Variants in CLEC16A observed in about 807,000 individuals in gnomAD.
CLEC16A encodes C-type lectin domain containing 16A, also known as protein CLEC16A.
A neutral mutation model predicts 109.5 loss-of-function variants in CLEC16A; 51 were observed. That is an observed-to-expected ratio of 0.47 (90% CI 0.37 to 0.59). CLEC16A has a LOEUF of 0.59. Ranked by LOEUF, CLEC16A falls within the 20% of genes least tolerant of loss-of-function variation. The pLI, the probability that CLEC16A is intolerant of heterozygous loss-of-function variation, is 0.00. For missense variants in CLEC16A, 1,339 were observed against 1,394.0 expected, an observed-to-expected ratio of 0.96 and a Z score of 0.63; for synonymous variants, 673 against 564.2, an observed-to-expected ratio of 1.19 and a Z score of -2.73.
At chr16:10,971,384 T>A in intron 5 of CLEC16A, 154 bp downstream of exon 5, 1 of 392,926 alleles carries the variant, frequency 2.5e-6, no homozygotes, top group Non-Finnish European at 3.5e-6. Flanking sequence ...TGGAATCCCC[T>A]AGCATTTAGC....
intron 22 of CLEC16A, chr16:11,156,592 T>C: frequency 7.7e-7 from 1 of 1,304,222 alleles, no homozygotes; most frequent in Non-Finnish European, 1.0e-6. Flanking sequence ...ACTGCCGCAG[T>C]AGAGAGGCAG....
intron 11 of CLEC16A, among the ~76,000 whole-genome samples, chr16:11,019,425 A>G (rs1425322437): frequency 1.3e-5 from 2 of 150,704 alleles, no homozygotes; most frequent in African/African-American, 5.0e-5. Context: ...TTGTAAGTAA[A>G]AAAGGAAAAC....
chr16:11,133,425 C>A (rs2053359820), intron 22 of CLEC16A, among the ~76,000 whole-genome samples: 2 of 151,998 alleles, frequency 1.3e-5, no homozygotes, highest in South Asian at 4.1e-4. Flanking sequence ...ATCAAAGGCA[C>A]CTAAACCGGC....
intron 22 of CLEC16A, among the ~76,000 whole-genome samples, chr16:11,132,888 G>A (rs890254584): frequency 6.6e-6 from 1 of 152,116 alleles, no homozygotes; most frequent in South Asian, 2.1e-4. Context: ...TGGGGCTGGA[G>A]GAATTGTTCA....
intron 14 of CLEC16A, 134 bp from the exon 15 acceptor site, chr16:11,042,120 C>G (rs2047369575): frequency 1.6e-6 from 1 of 629,078 alleles, no homozygotes; most frequent in Non-Finnish European, 2.8e-6. Context: ...CCACTGTGTC[C>G]CCACTGGATG....
chr16:11,132,149 T>C (rs904327493), intron 22 of CLEC16A, among the ~76,000 whole-genome samples: 1 of 152,160 alleles, frequency 6.6e-6, no homozygotes, highest in African/African-American at 2.4e-5. Context: ...CCCAAGATTG[T>C]GCCATCATCC....
chr16:11,010,691 G>A (rs1336212023), intron 11 of CLEC16A, among the ~76,000 whole-genome samples: 1 of 152,150 alleles, frequency 6.6e-6, no homozygotes, highest in Non-Finnish European at 1.5e-5. Flanking sequence ...CTCCTGCTGT[G>A]TTCTTGTTGT....
At chr16:11,024,185 C>G (rs916826269) in intron 12 of CLEC16A, 60 of 152,422 alleles carry the variant, frequency 3.9e-4, no homozygotes, top group African/African-American at 1.3e-3. Flanking sequence ...TGCATTGGCA[C>G]CGTCCACAGT....
intron 23 of CLEC16A, 139 bp downstream of exon 23, chr16:11,166,691 A>T (rs2068278744): frequency 6.9e-6 from 6 of 872,742 alleles, no homozygotes; most frequent in Non-Finnish European, 9.9e-6. Flanking sequence ...CTGCACATGA[A>T]GCCTCTAGAG....
chr16:11,089,795 G>C (rs1342903109), intron 19 of CLEC16A, among the ~76,000 whole-genome samples: 1 of 152,206 alleles, frequency 6.6e-6, no homozygotes, highest in Admixed American at 6.5e-5. Flanking sequence ...GGGGTGCTGG[G>C]CATGACTCGC....
In CLEC16A at chr16:11,178,458, C is replaced by G. The variant is rs74163629; in HGVS notation, c.2930C>G (p.Ala977Gly). ...GCCAGGAGCGCAGCCGTGGAGACAG[C>G]CAGCCTGTCCCCCAGCCTCGTCCCT... ...NVARSAAVET[A>G]SLSPSLVPAR... Residue 977 changes from alanine (A) to glycine (G), a missense_variant, in exon 24 of 24, where the codon GCC becomes GGC. Transcript: ENST00000409790. The surrounding 1 kb of genome is among the most constrained non-coding windows in gnomAD (Gnocchi z 6.5). The G allele has an allele frequency of 6.2e-7, 1 of 1,613,608 alleles. No individual in the cohort carries two copies. The highest frequency in any genetic ancestry group is 8.5e-7 in the Non-Finnish European group (1 of 1,179,886).
intron 19 of CLEC16A, among the ~76,000 whole-genome samples, chr16:11,108,356 G>C (rs1175004685): frequency 6.6e-6 from 1 of 152,276 alleles, no homozygotes. Flanking sequence ...CCTGTGAAAG[G>C]GGGACCTTGC....
intron 19 of CLEC16A, among the ~76,000 whole-genome samples, chr16:11,106,548 C>T (rs2051233344): frequency 1.3e-5 from 2 of 150,260 alleles, no homozygotes. Context: ...AGTTTACAGG[C>T]TTAGTCTTAG....
intron 23 of CLEC16A, among the ~76,000 whole-genome samples, chr16:11,175,277 T>C: frequency 6.6e-6 from 1 of 152,118 alleles, no homozygotes; most frequent in Admixed American, 6.5e-5. Flanking sequence ...AGCCACGGGA[T>C]GTCTGTCCGC....
chr16:11,103,232 C>T (rs1218057270), intron 19 of CLEC16A, among the ~76,000 whole-genome samples: 2 of 152,336 alleles, frequency 1.3e-5, no homozygotes, highest in East Asian at 3.9e-4. Context: ...CCCAGTGGCG[C>T]TGCTCTCCAC....
chr16:11,093,556 A>G (rs929266083), intron 19 of CLEC16A, among the ~76,000 whole-genome samples: 2 of 152,232 alleles, frequency 1.3e-5, no homozygotes, highest in African/African-American at 4.8e-5. Flanking sequence ...TCATATCTAT[A>G]CCGCCTGGCA....
intron 19 of CLEC16A, among the ~76,000 whole-genome samples, chr16:11,083,948 T>C (rs1440282954): frequency 6.6e-6 from 1 of 152,202 alleles, no homozygotes; most frequent in Non-Finnish European, 1.5e-5. Context: ...GTTGGGAACC[T>C]GAGGGAACAC....
At chr16:11,064,006 G>C (rs1252665919) in intron 19 of CLEC16A, among the ~76,000 whole-genome samples, 1 of 151,526 alleles carries the variant, frequency 6.6e-6, no homozygotes, top group Admixed American at 6.6e-5. Context: ...GGGAAGGGAA[G>C]AGGGGAGGAA....
chr16:11,159,804 T>C (rs924782904), intron 22 of CLEC16A, among the ~76,000 whole-genome samples: 2 of 152,228 alleles, frequency 1.3e-5, no homozygotes, highest in African/African-American at 2.4e-5. Flanking sequence ...CTTTCTGATA[T>C]AACTTTTCAC....
Sources: gnomAD v4.1 joint callset for allele counts (sites outside exome capture counted in the v4.1 genomes callset) on GRCh38, gnomAD v4.1.1 for gene constraint, Gnocchi (gnomAD v3.1) non-coding constraint, MANE v1.5 for transcripts, NCBI Gene and HGNC (gene_info 2026-07-23, HGNC 2026-07-21) for gene names.